Variants in CDH12 observed in about 807,000 individuals in gnomAD.
The protein encoded by CDH12 is cadherin-12.
A neutral mutation model predicts 74.1 loss-of-function variants in CDH12; 41 were observed. That is an observed-to-expected ratio of 0.55 (90% CI 0.43 to 0.72). The LOEUF is 0.72. Ranked by LOEUF, CDH12 falls within the 30% of genes least tolerant of loss-of-function variation. The pLI is 0.00. For missense variants in CDH12, 945 were observed against 977.2 expected (o/e 0.97, Z 0.44); for synonymous variants, 399 against 355.0 (o/e 1.12, Z -1.39).
At chr5:22,016,026 CT>C (rs1210561755) in intron 5 of CDH12, among the ~76,000 whole-genome samples, 1 of 151,680 alleles carries the variant, frequency 6.6e-6, no homozygotes, top group Non-Finnish European at 1.5e-5. Context: ...ACACAATAAT[CT>C]CTTTAGAAAT....
intron 8 of CDH12, among the ~76,000 whole-genome samples, chr5:21,823,632 A>G (rs908386251): frequency 6.6e-6 from 1 of 152,136 alleles, no homozygotes; most frequent in Non-Finnish European, 1.5e-5. Flanking sequence ...ACAGATTTGC[A>G]AAGGTAACTG....
intron 1 of CDH12, among the ~76,000 whole-genome samples, chr5:22,747,568 G>A (rs1226873571): frequency 3.8e-5 from 5 of 132,474 alleles, no homozygotes; most frequent in African/African-American, 5.8e-5. Flanking sequence ...CCTAGATTGC[G>A]CTACTACCCT....
At chr5:22,226,681 T>A (rs1308064912) in intron 3 of CDH12, among the ~76,000 whole-genome samples, 1 of 152,134 alleles carries the variant, frequency 6.6e-6, no homozygotes, top group Non-Finnish European at 1.5e-5. Flanking sequence ...TGTAGTAACG[T>A]GTTACACAGC....
At chr5:22,775,931 T>C (rs984579252) in intron 1 of CDH12, among the ~76,000 whole-genome samples, 5 of 152,122 alleles carry the variant, frequency 3.3e-5, no homozygotes, top group Admixed American at 2.0e-4. Context: ...CCTTGAGATC[T>C]GATGGGTTTA....
intron 1 of CDH12, among the ~76,000 whole-genome samples, chr5:22,847,846 T>C (rs533544398): frequency 7.9e-5 from 12 of 152,168 alleles, no homozygotes; most frequent in African/African-American, 2.9e-4. Flanking sequence ...CCTTTTACTG[T>C]ATGATCAGCC....
At chr5:22,285,101 CA>C (rs1737077303) in intron 3 of CDH12, among the ~76,000 whole-genome samples, 2 of 151,928 alleles carry the variant, frequency 1.3e-5, no homozygotes, top group Admixed American at 1.3e-4. Flanking sequence ...ATAAAACAAT[CA>C]AAAAATTAAT....
intron 1 of CDH12, among the ~76,000 whole-genome samples, chr5:22,517,313 T>A (rs902530323): frequency 6.6e-6 from 1 of 152,108 alleles, no homozygotes; most frequent in Non-Finnish European, 1.5e-5. Flanking sequence ...ATTAATATTA[T>A]TTTTGAAATT....
At chr5:21,957,229 T>C (rs1756141706) in intron 6 of CDH12, among the ~76,000 whole-genome samples, 1 of 152,124 alleles carries the variant, frequency 6.6e-6, no homozygotes, top group Non-Finnish European at 1.5e-5. Flanking sequence ...TCCAGCTCCA[T>C]CCATGTTACT....
chr5:22,018,553 T>C (rs1218280827), intron 5 of CDH12, among the ~76,000 whole-genome samples: 1 of 152,176 alleles, frequency 6.6e-6, no homozygotes, highest in African/African-American at 2.4e-5. Flanking sequence ...CATGCACAAA[T>C]AGCAAGTAGG....
At chr5:22,780,799 T>C (rs1430345514) in intron 1 of CDH12, among the ~76,000 whole-genome samples, 4 of 152,146 alleles carry the variant, frequency 2.6e-5, no homozygotes, top group South Asian at 2.1e-4. Flanking sequence ...GTGTGATCTA[T>C]AGACAAATAT....
chr5:22,293,122 A>G (rs1737468914), intron 3 of CDH12, among the ~76,000 whole-genome samples: 1 of 152,106 alleles, frequency 6.6e-6, no homozygotes, highest in Non-Finnish European at 1.5e-5. Flanking sequence ...TGGCACCCTT[A>G]GTTCTGAAAC....
At chr5:21,857,093 A>G (rs1750791838) in intron 6 of CDH12, among the ~76,000 whole-genome samples, 1 of 151,832 alleles carries the variant, frequency 6.6e-6, no homozygotes, top group Non-Finnish European at 1.5e-5. Context: ...GTCTCGGTCA[A>G]TTGCCTGGAG....
At chr5:21,904,206 T>A (rs1007811705) in intron 6 of CDH12, among the ~76,000 whole-genome samples, 1 of 152,172 alleles carries the variant, frequency 6.6e-6, no homozygotes, top group Non-Finnish European at 1.5e-5. Context: ...GGGTTCTTTT[T>A]CATTGTATAA....
chr5:21,918,522 A>G (rs537181191), intron 6 of CDH12, among the ~76,000 whole-genome samples: 7 of 152,082 alleles, frequency 4.6e-5, no homozygotes, highest in Non-Finnish European at 1.0e-4. Flanking sequence ...GAAATTTACA[A>G]TCATGGCAGA....
intron 3 of CDH12, among the ~76,000 whole-genome samples, chr5:22,342,458 C>A (rs1256587213): frequency 6.6e-6 from 1 of 151,978 alleles, no homozygotes; most frequent in Non-Finnish European, 1.5e-5. Flanking sequence ...AGTCTATTAC[C>A]ATTTGTACTT....
intron 1 of CDH12, among the ~76,000 whole-genome samples, chr5:22,739,659 G>A (rs1194950564): frequency 3.3e-5 from 5 of 151,952 alleles, no homozygotes; most frequent in Admixed American, 2.0e-4. Flanking sequence ...ACAAATCTCC[G>A]GAAGTTATTT....
intron 1 of CDH12, among the ~76,000 whole-genome samples, chr5:22,847,575 T>C (rs987009046): frequency 1.3e-5 from 2 of 152,202 alleles, no homozygotes; most frequent in East Asian, 1.9e-4. Flanking sequence ...TTTTCAACAT[T>C]TACTGAGCAT....
At chr5:21,833,964 T>C (rs1296276726) in intron 8 of CDH12, among the ~76,000 whole-genome samples, 1 of 151,956 alleles carries the variant, frequency 6.6e-6, no homozygotes, top group Admixed American at 6.6e-5. Context: ...AAGGAGCTTT[T>C]TGGTAATTAA....
chr5:22,432,112 G>A (rs542400515), intron 2 of CDH12, among the ~76,000 whole-genome samples: 2 of 151,942 alleles, frequency 1.3e-5, no homozygotes, highest in East Asian at 1.9e-4. Context: ...CAATAAGTGC[G>A]GTATTGAAGT....
Sources: allele counts gnomAD v4.1 joint callset (sites outside exome capture counted in the v4.1 genomes callset), GRCh38; gene constraint gnomAD v4.1.1; transcripts MANE v1.5; gene names NCBI Gene and HGNC (gene_info 2026-07-23, HGNC 2026-07-21).